Variants in LYPLAL1 observed in about 807,000 individuals in gnomAD.
LYPLAL1 encodes lysophospholipase-like protein 1.
A neutral mutation model predicts 19.7 loss-of-function variants in LYPLAL1; 23 were observed. The ratio of observed to expected loss-of-function variants is 1.17; its 90% confidence interval spans 0.84 to 1.65. LYPLAL1 has a LOEUF of 1.65. LYPLAL1 is among the 40% of genes most tolerant of loss of function. The pLI is 0.00. For synonymous variants in LYPLAL1, 119 were observed against 96.3 expected (o/e 1.24, Z -1.38); for missense variants, 355 against 279.4 (o/e 1.27, Z -1.93).
chr1:219,240,777 T>G, the LYPLAL1 span, among the ~76,000 whole-genome samples: 1 of 152,084 alleles, frequency 6.6e-6, no homozygotes, highest in Non-Finnish European at 1.5e-5. Flanking sequence ...TGGGTGGTCT[T>G]TTGTGTAAGA....
the LYPLAL1 span, among the ~76,000 whole-genome samples, chr1:219,276,632 C>T: frequency 1.3e-5 from 2 of 152,116 alleles, no homozygotes; most frequent in Non-Finnish European, 2.9e-5. Flanking sequence ...TGTAATGATA[C>T]AGTCTTTTGG....
At chr1:219,382,421 G>T in the LYPLAL1 span, among the ~76,000 whole-genome samples, 4 of 151,950 alleles carry the variant, frequency 2.6e-5, no homozygotes, top group African/African-American at 9.7e-5. Flanking sequence ...ATGCAGTGGC[G>T]CAATCTTGGC....
At chr1:219,344,854 G>A in the LYPLAL1 span, among the ~76,000 whole-genome samples, 2 of 152,056 alleles carry the variant, frequency 1.3e-5, no homozygotes, top group South Asian at 2.1e-4. Flanking sequence ...TTCCAAACTC[G>A]CTGTATCCTA....
chr1:219,264,568 C>G, the LYPLAL1 span, among the ~76,000 whole-genome samples: 45 of 152,252 alleles, frequency 3.0e-4, 1 homozygote, highest in East Asian at 7.9e-3. Context: ...TTGGGTCTGT[C>G]TGTTTGTGAC....
At chr1:219,222,939 A>T in the LYPLAL1 span, 1 of 152,118 alleles carries the variant, frequency 6.6e-6, no homozygotes, top group South Asian at 2.1e-4. Context: ...CTTCTGTTAT[A>T]AGAGCACTAA....
the LYPLAL1 span, among the ~76,000 whole-genome samples, chr1:219,260,837 T>C: frequency 6.6e-6 from 1 of 151,870 alleles, no homozygotes; most frequent in Middle Eastern, 3.4e-3. Context: ...AAAAAACCTT[T>C]AATAGTTTTT....
At chr1:219,339,366 G>A in the LYPLAL1 span, among the ~76,000 whole-genome samples, 4 of 152,100 alleles carry the variant, frequency 2.6e-5, 1 homozygote, top group South Asian at 6.2e-4. Flanking sequence ...CTATCCCACG[G>A]TATTATAATA....
chr1:219,304,476 T>C, the LYPLAL1 span, among the ~76,000 whole-genome samples: 1 of 152,316 alleles, frequency 6.6e-6, no homozygotes, highest in African/African-American at 2.4e-5. Context: ...CAAAAGCCAT[T>C]CGTATGATTT....
At chr1:219,248,964 T>C in the LYPLAL1 span, among the ~76,000 whole-genome samples, 1 of 152,058 alleles carries the variant, frequency 6.6e-6, no homozygotes, top group African/African-American at 2.4e-5. Flanking sequence ...TAAAAAAACA[T>C]GTACCCCTTC....
the LYPLAL1 span, among the ~76,000 whole-genome samples, chr1:219,401,939 G>C: frequency 6.6e-6 from 1 of 152,118 alleles, no homozygotes; most frequent in Non-Finnish European, 1.5e-5. Context: ...TCAATTGTTA[G>C]CAATAAGGAA....
chr1:219,185,480 TTC>T (rs1377013555), intron 2 of LYPLAL1, among the ~76,000 whole-genome samples: 15 of 152,130 alleles, frequency 9.9e-5, no homozygotes, highest in African/African-American at 3.4e-4. Flanking sequence ...ACTAATTTTT[TTC>T]TTTCTTTTTA....
the LYPLAL1 span, among the ~76,000 whole-genome samples, chr1:219,422,597 C>T: frequency 2.0e-5 from 3 of 151,884 alleles, no homozygotes; most frequent in African/African-American, 7.3e-5. Context: ...TTGAGCCCAA[C>T]CATTATGCAG....
chr1:219,198,139 G>A (rs1019781733), intron 3 of LYPLAL1, among the ~76,000 whole-genome samples: 4 of 152,016 alleles, frequency 2.6e-5, no homozygotes, highest in Admixed American at 2.0e-4. Context: ...TTCAAAGTCC[G>A]ACAATGTGAT....
the LYPLAL1 span, among the ~76,000 whole-genome samples, chr1:219,388,309 C>T: frequency 2.0e-5 from 3 of 152,230 alleles, no homozygotes; most frequent in East Asian, 5.8e-4. Context: ...ATCCCAATGG[C>T]AGGATCTCTC....
chr1:219,428,887 A>G, the LYPLAL1 span, among the ~76,000 whole-genome samples: 1 of 152,142 alleles, frequency 6.6e-6, no homozygotes, highest in African/African-American at 2.4e-5. Context: ...TTATGCATGG[A>G]TCCTTAGCTG....
intron 2 of LYPLAL1, among the ~76,000 whole-genome samples, chr1:219,189,554 A>G (rs1467748130): frequency 6.6e-6 from 1 of 151,592 alleles, no homozygotes; most frequent in Non-Finnish European, 1.5e-5. Context: ...TCCCCTTCTG[A>G]TTCTAATTTA....
chr1:219,277,625 G>A, the LYPLAL1 span, among the ~76,000 whole-genome samples: 3 of 152,244 alleles, frequency 2.0e-5, no homozygotes, highest in Non-Finnish European at 1.5e-5. Flanking sequence ...GAATCTGATG[G>A]CCTCACACAC....
the LYPLAL1 span, among the ~76,000 whole-genome samples, chr1:219,287,744 T>C: frequency 6.6e-6 from 1 of 152,170 alleles, no homozygotes; most frequent in South Asian, 2.1e-4. Flanking sequence ...CTCACCCAAA[T>C]CTCGTGTCGA....
the LYPLAL1 span, among the ~76,000 whole-genome samples, chr1:219,388,622 T>C: frequency 6.6e-6 from 1 of 152,136 alleles, no homozygotes; most frequent in South Asian, 2.1e-4. Flanking sequence ...GGGTGAGGCA[T>C]TGAATACTGC....
Sources: allele counts gnomAD v4.1 joint callset (sites outside exome capture counted in the v4.1 genomes callset), GRCh38; gene constraint gnomAD v4.1.1; transcripts MANE v1.5; gene names NCBI Gene and HGNC (gene_info 2026-07-23, HGNC 2026-07-21).